Variants in ADGRL2 observed in about 807,000 individuals in gnomAD.
ADGRL2 encodes calcium-independent alpha-latrotoxin receptor 2.
A neutral mutation model predicts 157.4 loss-of-function variants in ADGRL2; 44 were observed. The observed-to-expected ratio is 0.28, with a 90% CI of 0.22 to 0.36. The LOEUF (loss-of-function observed/expected upper bound fraction) is 0.36, where lower values mean the gene tolerates loss of function less well. Ranked by LOEUF, ADGRL2 falls within the 10% of genes least tolerant of loss-of-function variation. The probability of loss-of-function intolerance (pLI) is 1.00; values close to 1 mark genes in which losing one functional copy is unlikely to be tolerated. For missense variants in ADGRL2, 1,510 were observed against 1,768.9 expected (o/e 0.85, Z 2.63); for synonymous variants, 585 against 624.7 (o/e 0.94, Z 0.95).
At chr1:81,673,741 T>A (rs1229483200) in intron 3 of ADGRL2, among the ~76,000 whole-genome samples, 1 of 152,026 alleles carries the variant, frequency 6.6e-6, no homozygotes, top group African/African-American at 2.4e-5. Flanking sequence ...ATGGTCTCGA[T>A]CTCCTGACCT....
At chr1:81,869,382 A>G (rs1425758042) in intron 2 of ADGRL2, among the ~76,000 whole-genome samples, 2 of 152,150 alleles carry the variant, frequency 1.3e-5, no homozygotes, top group African/African-American at 4.8e-5. Context: ...TTGCTACGTT[A>G]CTTTAAACTA....
At chr1:81,879,577 G>A (rs544332387) in intron 2 of ADGRL2, among the ~76,000 whole-genome samples, 1 of 148,410 alleles carries the variant, frequency 6.7e-6, no homozygotes, top group Non-Finnish European at 1.5e-5. Flanking sequence ...TTTATAATGA[G>A]AAAGAAAGAA....
At chr1:81,352,540 C>T (rs1268555386) in intron 1 of ADGRL2, among the ~76,000 whole-genome samples, 1 of 152,110 alleles carries the variant, frequency 6.6e-6, no homozygotes, top group Non-Finnish European at 1.5e-5. Context: ...GCAAGATAAT[C>T]TTGGAAAATG....
intron 1 of ADGRL2, among the ~76,000 whole-genome samples, chr1:81,317,596 G>C (rs11163248): frequency 0.44 from 67,602 of 152,054 alleles, 15,413 homozygotes; most frequent in Middle Eastern, 0.55. Flanking sequence ...GTTGAATAAA[G>C]TCAAGTTTGT....
At chr1:81,877,739 G>A (rs192879746) in intron 2 of ADGRL2, among the ~76,000 whole-genome samples, 1 of 152,074 alleles carries the variant, frequency 6.6e-6, no homozygotes, top group East Asian at 1.9e-4. Flanking sequence ...TTTTTGGGAA[G>A]GCAAGTTAGA....
chr1:81,576,390 C>T (rs1048473642), intron 2 of ADGRL2, among the ~76,000 whole-genome samples: 1 of 151,962 alleles, frequency 6.6e-6, no homozygotes, highest in Non-Finnish European at 1.5e-5. Flanking sequence ...AATAATAGTT[C>T]CTACATCATA....
In ADGRL2 at chr1:81,340,411, A is replaced by G. The variant is rs541828985; in HGVS notation, c.-302+33902A>G. Among the ~76,000 whole-genome samples, 6 of 152,250 alleles carry G rather than the reference A, an allele frequency of 3.9e-5. No homozygotes were observed. The East Asian group carries it at 9.7e-4, about 25-fold the overall frequency. On this transcript the variant is annotated intron_variant, in intron 1 of 24. Coordinates refer to the ADGRL2 transcript ENST00000370721. ...TGCTTGCCCCAGGTCACGAGTCCAC[A>G]TCAGTGCTTCCGGTACAGAAGCAAT...
At chr1:81,981,244 G>A in intron 18 of ADGRL2, 1 of 208,522 alleles carries the variant, frequency 4.8e-6, no homozygotes. Context: ...AGCTGTTCAT[G>A]ACGAAATCTC....
At chr1:81,851,308 T>TA (rs1000715470) in intron 2 of ADGRL2, among the ~76,000 whole-genome samples, 3 of 151,940 alleles carry the variant, frequency 2.0e-5, no homozygotes, top group Admixed American at 1.3e-4. Context: ...ACTTCCTTCT[T>TA]AAAATCCATT....
intron 1 of ADGRL2, among the ~76,000 whole-genome samples, chr1:81,751,288 A>C (rs1249988918): frequency 1.3e-5 from 2 of 152,186 alleles, no homozygotes; most frequent in Non-Finnish European, 2.9e-5. Context: ...CAATATACTT[A>C]TGAAAAGGAG....
chr1:81,848,137 G>C (rs11163390), intron 2 of ADGRL2, among the ~76,000 whole-genome samples: 46,253 of 151,396 alleles, frequency 0.31, 7,523 homozygotes, highest in Middle Eastern at 0.49. Flanking sequence ...AAGATATAGG[G>C]TACTGATATG....
intron 2 of ADGRL2, among the ~76,000 whole-genome samples, chr1:81,476,959 G>A (rs954616667): frequency 6.6e-6 from 1 of 152,048 alleles, no homozygotes; most frequent in African/African-American, 2.4e-5. Flanking sequence ...AATATTACTG[G>A]TTTTGCATTT....
intron 2 of ADGRL2, among the ~76,000 whole-genome samples, chr1:81,857,897 A>T (rs1481731968): frequency 6.6e-6 from 1 of 152,162 alleles, no homozygotes; most frequent in African/African-American, 2.4e-5. Flanking sequence ...TACAGCAATT[A>T]ATCTTCTTTA....
chr1:81,565,997 AG>A (rs1353366103), intron 2 of ADGRL2, among the ~76,000 whole-genome samples: 3 of 152,188 alleles, frequency 2.0e-5, no homozygotes, highest in African/African-American at 7.2e-5. Flanking sequence ...AGCTTTGCAG[AG>A]GGGTACAGAA....
chr1:81,509,763 C>T (rs1355548391), intron 2 of ADGRL2, among the ~76,000 whole-genome samples: 1 of 152,176 alleles, frequency 6.6e-6, no homozygotes, highest in Admixed American at 6.5e-5. Context: ...ACTCACTGTG[C>T]CAGGCAAGCG....
intron 2 of ADGRL2, among the ~76,000 whole-genome samples, chr1:81,500,293 G>A (rs940092935): frequency 2.6e-5 from 4 of 152,160 alleles, no homozygotes; most frequent in African/African-American, 4.8e-5. Context: ...AGCAATTCCC[G>A]TTCTCAGCAT....
intron 3 of ADGRL2, among the ~76,000 whole-genome samples, chr1:81,581,767 G>A (rs2080914855): frequency 6.6e-6 from 1 of 151,944 alleles, no homozygotes; most frequent in African/African-American, 2.4e-5. Flanking sequence ...GTTGCATGTA[G>A]GTTTAAACCA....
At chr1:81,711,317 G>A (rs1370717100) in intron 1 of ADGRL2, among the ~76,000 whole-genome samples, 1 of 152,156 alleles carries the variant, frequency 6.6e-6, no homozygotes, top group Non-Finnish European at 1.5e-5. Context: ...AATAACCATC[G>A]TTTGTCTGTC....
chr1:81,416,078 G>C lies in ADGRL2; in HGVS notation c.-301-28958G>C, dbSNP rs578135864. Among the ~76,000 whole-genome samples the C allele has an allele frequency of 3.3e-5, 5 of 152,088 alleles. No individual in the cohort carries two copies. In the East Asian group the frequency reaches 7.8e-4, roughly 24 times the overall value. ...TGTTAGCCAGGATGGTCTCGATCTT[G>C]TGACCTCACGATCCGCCCACCTCGG... On this transcript the variant is annotated intron_variant, in intron 1 of 24. Coordinates refer to the ADGRL2 transcript ENST00000370721.
Sources: gnomAD v4.1 joint callset for allele counts (sites outside exome capture counted in the v4.1 genomes callset) on GRCh38, gnomAD v4.1.1 for gene constraint, MANE v1.5 for transcripts, NCBI Gene and HGNC (gene_info 2026-07-23, HGNC 2026-07-21) for gene names.